Variants in FCHSD2 observed in about 807,000 individuals in gnomAD.
FCHSD2 encodes FCH and double SH3 domains 2, also known as F-BAR and double SH3 domains protein 2.
Under a neutral mutation model 108.1 loss-of-function variants are expected in FCHSD2, and 38 were observed. The ratio of observed to expected loss-of-function variants is 0.35; its 90% CI spans 0.27 to 0.46. FCHSD2 has a LOEUF of 0.46. Ranked by LOEUF, FCHSD2 falls within the 20% of genes least tolerant of loss-of-function variation. The pLI is 1.00. For synonymous variants in FCHSD2, 279 were observed against 314.7 expected, an observed-to-expected ratio of 0.89 and a Z score of 1.20; for missense variants, 751 against 897.8, an observed-to-expected ratio of 0.84 and a Z score of 2.09.
At chr11:72,950,002 T>C (rs1488455720) in intron 8 of FCHSD2, among the ~76,000 whole-genome samples, 1 of 151,792 alleles carries the variant, frequency 6.6e-6, no homozygotes, top group African/African-American at 2.4e-5. Flanking sequence ...CCATTTTACA[T>C]TCTCACCCAA....
At chr11:72,987,835 C>A (rs1857338684) in intron 6 of FCHSD2, among the ~76,000 whole-genome samples, 1 of 152,110 alleles carries the variant, frequency 6.6e-6, no homozygotes, top group Admixed American at 6.5e-5. Context: ...ACAGTATATT[C>A]CCAATGGACA....
chr11:73,065,550 A>T (rs1298805903), intron 3 of FCHSD2, among the ~76,000 whole-genome samples: 2 of 152,240 alleles, frequency 1.3e-5, no homozygotes, highest in Admixed American at 1.3e-4. Flanking sequence ...TCAAATAGGA[A>T]GAGAGGAAGT....
Position 72,849,862 on chromosome 11 carries a change from C to T in FCHSD2, c.1336G>A (p.Gly446Ser), listed in dbSNP as rs2135169416. 1 of 1,613,498 alleles carries T rather than the reference C, an allele frequency of 6.2e-7. No individual in the cohort carries two copies. Among genetic ancestry groups the T allele is most frequent in the East Asian group, 2.2e-5 (1 of 44,852 alleles). Reference protein sequence around the residue: ...SLNADTEREEGEEFEDNMDVF... With the variant: ...SLNADTEREESEEFEDNMDVF... ...TCCATGTTATCTTCAAACTCTTCGC[C>T]TTCTTCTCTTTCGGTATCTGCATTA... Residue 446 changes from glycine (G) to serine (S), a missense_variant, in exon 14 of 20, where the codon GGC becomes AGC. Physicochemically the swap from Gly to Ser is moderately conservative, Grantham distance 56. Coordinates refer to ENST00000409418, the MANE Select transcript of FCHSD2 (RefSeq NM_014824.3).
At chr11:73,131,674 G>A (rs188710779) in intron 2 of FCHSD2, among the ~76,000 whole-genome samples, 4 of 150,534 alleles carry the variant, frequency 2.7e-5, no homozygotes, top group East Asian at 1.9e-4. Flanking sequence ...ACTGCACTCC[G>A]GTCTAGGCAA....
intron 3 of FCHSD2, among the ~76,000 whole-genome samples, chr11:73,081,453 T>C (rs1234247427): frequency 6.6e-6 from 1 of 151,974 alleles, no homozygotes; most frequent in Non-Finnish European, 1.5e-5. Flanking sequence ...AATAAATAAA[T>C]CTTGTTACAG....
chr11:72,927,344 A>T (rs1364401468), intron 8 of FCHSD2, among the ~76,000 whole-genome samples: 3 of 152,214 alleles, frequency 2.0e-5, no homozygotes, highest in Admixed American at 6.5e-5. Context: ...CTAAACTGAG[A>T]ATGTACAATA....
intron 5 of FCHSD2, among the ~76,000 whole-genome samples, chr11:72,990,863 C>G (rs543057831): frequency 6.6e-6 from 1 of 152,100 alleles, no homozygotes; most frequent in Non-Finnish European, 1.5e-5. Flanking sequence ...AAGACCAGAA[C>G]AGAACTGAAC....
chr11:72,940,478 T>C (rs1240398730), intron 8 of FCHSD2: 2 of 696,856 alleles, frequency 2.9e-6, no homozygotes, highest in Non-Finnish European at 2.6e-6. Flanking sequence ...TGTCTGGCAG[T>C]AGCCATCAGG....
intron 3 of FCHSD2, among the ~76,000 whole-genome samples, chr11:73,050,310 T>A (rs1858868501): frequency 6.6e-6 from 1 of 152,146 alleles, no homozygotes; most frequent in Non-Finnish European, 1.5e-5. Flanking sequence ...TAGCTCCAAG[T>A]TTCCATAAAA....
rs1403238151 is a variant in FCHSD2, at chr11:73,035,994, C to G, written c.166-20109G>C. ...TCAGCCTCCCAAAGTGCTGGGATTA[C>G]AAGCGTGAGCCACCACTCCTCGCCC... On this transcript the variant is annotated intron_variant, in intron 3 of 19. Coordinates refer to ENST00000409418, the MANE Select transcript of FCHSD2 (RefSeq NM_014824.3). 2.0e-5 allele frequency among the ~76,000 whole-genome samples: 3 copies of G among 152,138 alleles called. No homozygotes were observed. In the East Asian group the frequency reaches 5.8e-4, roughly 29 times the overall value.
chr11:73,001,245 T>C (rs1243158474), intron 4 of FCHSD2, 111 bp from the exon 5 acceptor site: 13 of 878,268 alleles, frequency 1.5e-5, no homozygotes, highest in Non-Finnish European at 2.0e-5. Flanking sequence ...TCTTCTTTAA[T>C]GTATTTATAA....
At chr11:73,113,986 T>C (rs1307136692) in intron 2 of FCHSD2, among the ~76,000 whole-genome samples, 2 of 152,080 alleles carry the variant, frequency 1.3e-5, no homozygotes, top group Non-Finnish European at 2.9e-5. Context: ...CAGCAGGTGA[T>C]AAAGCAAGCT....
chr11:72,942,483 A>G (rs1370252795), intron 8 of FCHSD2, among the ~76,000 whole-genome samples: 1 of 152,248 alleles, frequency 6.6e-6, no homozygotes, highest in African/African-American at 2.4e-5. Flanking sequence ...AAAAGGACTT[A>G]CGTGTATAAC....
rs754641064 is a variant in FCHSD2 at position 72,889,943 on chromosome 11, G to A, written c.927C>T (p.Ser309=). ...TCCCAGTTTCTGATTCTAACTGTCG[G>A]CTCTACAATACAAGAGAGAACAGAG... ...FQFQPCDSDT[S]RQLESETGTT... Residue 309 remains serine, a splice_region_variant and synonymous_variant, in exon 11 of 20, where the codon AGC becomes AGT. Transcript: ENST00000409418. The A allele has an allele frequency of 6.3e-7, 1 of 1,586,732 alleles. No homozygotes were observed. Among genetic ancestry groups the A allele is most frequent in the African/African-American group, 1.3e-5 (1 of 74,310 alleles).
intron 16 of FCHSD2, 55 bp from the exon 17 acceptor site, chr11:72,842,896 T>C: frequency 7.4e-7 from 1 of 1,355,756 alleles, no homozygotes; most frequent in Non-Finnish European, 1.0e-6. Context: ...CGGTTGCTTT[T>C]GCAACCACCC....
At chr11:73,110,113 T>A (rs2135544499) in intron 2 of FCHSD2, among the ~76,000 whole-genome samples, 1 of 152,172 alleles carries the variant, frequency 6.6e-6, no homozygotes, top group African/African-American at 2.4e-5. Flanking sequence ...GATTTTTGCA[T>A]CAGTATTCAT....
intron 8 of FCHSD2, among the ~76,000 whole-genome samples, chr11:72,958,404 G>C (rs925521673): frequency 6.6e-6 from 1 of 152,186 alleles, no homozygotes; most frequent in Non-Finnish European, 1.5e-5. Context: ...TGTAGTACCA[G>C]GTATTTGGGA....
chr11:72,991,757 A>C (rs932494654), intron 5 of FCHSD2, among the ~76,000 whole-genome samples: 1 of 152,230 alleles, frequency 6.6e-6, no homozygotes, highest in Non-Finnish European at 1.5e-5. Context: ...GATGGGACGT[A>C]TCTCAAAATA....
intron 8 of FCHSD2, among the ~76,000 whole-genome samples, chr11:72,975,137 A>C (rs1181769754): frequency 6.6e-6 from 1 of 152,206 alleles, no homozygotes; most frequent in African/African-American, 2.4e-5. Context: ...GTTATTGCAA[A>C]TGACAGGATT....
Sources: allele counts gnomAD v4.1 joint callset (sites outside exome capture counted in the v4.1 genomes callset), GRCh38; gene constraint gnomAD v4.1.1; transcripts MANE v1.5; gene names NCBI Gene and HGNC (gene_info 2026-07-23, HGNC 2026-07-21).